Variants in NCKAP5 observed in about 807,000 individuals in gnomAD.
The protein encoded by NCKAP5 is nck-associated protein 5.
NCKAP5 carries 92 observed loss-of-function variants against 167.0 expected under a neutral mutation model. The ratio of observed to expected loss-of-function variants is 0.55; its 90% CI spans 0.47 to 0.66. The LOEUF is 0.66. NCKAP5 is among the 30% of genes least tolerant of loss of function. The probability of loss-of-function intolerance (pLI) is 0.00; values close to 1 mark genes in which losing one functional copy is unlikely to be tolerated. For missense variants in NCKAP5, 2,378 were observed against 2,315.0 expected (o/e 1.03, Z -0.56); for synonymous variants, 891 against 877.4 (o/e 1.02, Z -0.27).
At chr2:133,524,163 C>T (rs1025708430) in intron 2 of NCKAP5, among the ~76,000 whole-genome samples, 33 of 152,114 alleles carry the variant, frequency 2.2e-4, no homozygotes, top group African/African-American at 7.7e-4. Context: ...TTCAATATTT[C>T]CAAGGTGCAG....
intron 6 of NCKAP5, among the ~76,000 whole-genome samples, chr2:133,015,279 G>T (rs1409219870): frequency 6.6e-6 from 1 of 152,074 alleles, no homozygotes; most frequent in Non-Finnish European, 1.5e-5. Context: ...AGTCATATAG[G>T]TACTAATCGG....
At chr2:133,334,450 G>T (rs755151808) in intron 3 of NCKAP5, among the ~76,000 whole-genome samples, 2 of 152,054 alleles carry the variant, frequency 1.3e-5, no homozygotes. Context: ...CCAGCAAATA[G>T]ATATTATCAC....
intron 6 of NCKAP5, among the ~76,000 whole-genome samples, chr2:133,048,160 C>A (rs2079471453): frequency 6.6e-6 from 1 of 152,158 alleles, no homozygotes; most frequent in African/African-American, 2.4e-5. Flanking sequence ...ATCTTTATAA[C>A]CAATTGCCCT....
At chr2:133,429,115 T>C (rs1325920307) in intron 3 of NCKAP5, among the ~76,000 whole-genome samples, 1 of 152,060 alleles carries the variant, frequency 6.6e-6, no homozygotes, top group Non-Finnish European at 1.5e-5. Context: ...TAACCACCAG[T>C]GGGTGGACAG....
intron 7 of NCKAP5, among the ~76,000 whole-genome samples, chr2:132,969,468 T>C (rs1006083014): frequency 2.0e-5 from 3 of 152,024 alleles, no homozygotes; most frequent in Admixed American, 1.3e-4. Context: ...GAAACACCAG[T>C]AGGGAGGTAG....
At chr2:133,611,059 G>A in the NCKAP5 span, among the ~76,000 whole-genome samples, 156 of 152,044 alleles carry the variant, frequency 1.0e-3, 1 homozygote, top group Non-Finnish European at 2.5e-4. Context: ...ACATGAGAGT[G>A]ACCTCCTACC....
intron 4 of NCKAP5, among the ~76,000 whole-genome samples, chr2:133,220,384 A>G (rs1175657284): frequency 6.6e-6 from 1 of 152,234 alleles, no homozygotes; most frequent in African/African-American, 2.4e-5. Flanking sequence ...CTTCTCTTAC[A>G]GTTAAATGTA....
At chr2:133,243,779 G>T (rs2087842080) in intron 4 of NCKAP5, among the ~76,000 whole-genome samples, 1 of 152,108 alleles carries the variant, frequency 6.6e-6, no homozygotes, top group African/African-American at 2.4e-5. Context: ...AAACCTGCTT[G>T]ATGTGCTCCA....
intron 3 of NCKAP5, among the ~76,000 whole-genome samples, chr2:133,308,933 A>G (rs1001739714): frequency 2.0e-5 from 3 of 149,686 alleles, no homozygotes; most frequent in African/African-American, 4.9e-5. Flanking sequence ...GATGGTCTCG[A>G]TCTCCTGACC....
At chr2:133,670,540 T>A in the NCKAP5 span, among the ~76,000 whole-genome samples, 1 of 152,228 alleles carries the variant, frequency 6.6e-6, no homozygotes, top group Non-Finnish European at 1.5e-5. Context: ...CATGCATGCA[T>A]AAATATAGCA....
rs547430251 is a variant in NCKAP5, at chr2:133,106,146, A to G, written c.341+23832T>C. ...ATCTCTACTAAAAATACAAAAAATT[A>G]GCCAGGAGTGGTGGCAGGCGCCTGT... On this transcript the variant is annotated intron_variant, in intron 6 of 19. Coordinates refer to ENST00000409261, the MANE Select transcript of NCKAP5 (RefSeq NM_207363.3). Among the ~76,000 whole-genome samples the G allele has an allele frequency of 2.5e-3, 370 of 148,896 alleles. 2 individuals carry two copies. The highest frequency in any genetic ancestry group is 3.4e-3 in the Middle Eastern group (1 of 294).
At chr2:133,499,515 T>C (rs2151381686) in intron 3 of NCKAP5, among the ~76,000 whole-genome samples, 1 of 151,928 alleles carries the variant, frequency 6.6e-6, no homozygotes, top group Non-Finnish European at 1.5e-5. Context: ...CCAGACTCAA[T>C]GCTGAAGAAA....
intron 8 of NCKAP5, among the ~76,000 whole-genome samples, chr2:132,914,656 G>A (rs943090247): frequency 1.3e-5 from 2 of 152,136 alleles, no homozygotes; most frequent in African/African-American, 2.4e-5. Context: ...CCCCAGTAAC[G>A]TTAAAGGACT....
At chr2:133,030,860 C>G (rs34596591) in intron 6 of NCKAP5, among the ~76,000 whole-genome samples, 3,614 of 152,212 alleles carry the variant, frequency 0.024, 57 homozygotes, top group Non-Finnish European at 0.037. Flanking sequence ...GAACCTATCC[C>G]TTGTCTCCTG....
chr2:133,441,132 C>T (rs914603916), intron 3 of NCKAP5, among the ~76,000 whole-genome samples: 1 of 151,702 alleles, frequency 6.6e-6, no homozygotes, highest in Non-Finnish European at 1.5e-5. Context: ...AGAGCAGCAG[C>T]AGCATTGTCT....
intron 6 of NCKAP5, among the ~76,000 whole-genome samples, chr2:133,027,205 T>C (rs12476621): frequency 0.33 from 50,434 of 152,072 alleles, 9,929 homozygotes; most frequent in Non-Finnish European, 0.43. Flanking sequence ...CAAGGTCTGA[T>C]GGTTCTAACG....
At chr2:133,344,556 A>C (rs907875236) in intron 3 of NCKAP5, among the ~76,000 whole-genome samples, 8 of 152,166 alleles carry the variant, frequency 5.3e-5, no homozygotes, top group Admixed American at 3.3e-4. Flanking sequence ...CAGGATGACC[A>C]GTCAGGAGTG....
intron 16 of NCKAP5, among the ~76,000 whole-genome samples, chr2:132,758,473 C>T (rs192219329): frequency 6.6e-6 from 1 of 152,288 alleles, no homozygotes; most frequent in East Asian, 1.9e-4. Context: ...AGCACCTAAA[C>T]CACAGACAGT....
intron 3 of NCKAP5, among the ~76,000 whole-genome samples, chr2:133,315,968 A>T (rs1028823058): frequency 1.3e-5 from 2 of 152,208 alleles, no homozygotes; most frequent in Non-Finnish European, 1.5e-5. Context: ...CCAAGAGACC[A>T]TGGGGCTACG....
Sources: allele counts gnomAD v4.1 joint callset (sites outside exome capture counted in the v4.1 genomes callset), GRCh38; gene constraint gnomAD v4.1.1; transcripts MANE v1.5; gene names NCBI Gene and HGNC (gene_info 2026-07-23, HGNC 2026-07-21).